CNTN6: variants seen among roughly 807,000 people sequenced by gnomAD.
The protein encoded by CNTN6 is contactin 6.
A neutral mutation model predicts 122.8 loss-of-function variants in CNTN6; 137 were observed. That is an observed-to-expected ratio of 1.12 (90% CI 0.97 to 1.29). CNTN6 has a LOEUF of 1.29. Ranked by LOEUF, CNTN6 falls within the 50% of genes most tolerant of loss-of-function variation. The pLI is 0.00. For missense variants in CNTN6, 1,634 were observed against 1,223.4 expected (o/e 1.34, Z -5.01); for synonymous variants, 570 against 426.0 (o/e 1.34, Z -4.16).
At position 1,237,008 on chromosome 3, in the gene CNTN6, G is replaced by A. The variant is rs1575357561; in HGVS notation, c.358+9015G>A. On this transcript the variant is annotated intron_variant, in intron 4 of 22. Transcript: ENST00000446702. The stretch of plus-strand genomic sequence containing the variant: ...AGGTAGGAGAATGGCGTGAACCTGG[G>A]AGGCAGAGCTTGCAGTGAGCTGTGA... 1.3e-5 allele frequency among the ~76,000 whole-genome samples: 2 copies of A among 152,060 alleles called. 1 individual carries two copies. The highest frequency in any genetic ancestry group is 4.8e-5 in the African/African-American group (2 of 41,476).
At chr3:1,329,390 T>A (rs1701983428) in intron 10 of CNTN6, among the ~76,000 whole-genome samples, 1 of 151,720 alleles carries the variant, frequency 6.6e-6, no homozygotes, top group Admixed American at 6.6e-5. Context: ...CTCTTTGTTG[T>A]AAATGCTATT....
At chr3:1,389,788 C>T (rs911404094) in intron 20 of CNTN6, among the ~76,000 whole-genome samples, 2 of 150,272 alleles carry the variant, frequency 1.3e-5, no homozygotes, top group African/African-American at 4.9e-5. Context: ...GACTTTAAAC[C>T]AACAAAGATC....
intron 1 of CNTN6, among the ~76,000 whole-genome samples, chr3:1,096,912 C>T (rs917962520): frequency 2.0e-5 from 3 of 152,144 alleles, no homozygotes; most frequent in Non-Finnish European, 4.4e-5. Context: ...CGACCACTGC[C>T]ACCTTTTATA....
intron 20 of CNTN6, among the ~76,000 whole-genome samples, chr3:1,397,555 C>A (rs1232553435): frequency 1.3e-5 from 2 of 152,020 alleles, no homozygotes; most frequent in African/African-American, 2.4e-5. Context: ...GTGATCCACA[C>A]AGACATTACT....
chr3:1,390,195 A>C (rs1472636229), intron 20 of CNTN6, among the ~76,000 whole-genome samples: 1 of 152,018 alleles, frequency 6.6e-6, no homozygotes, highest in African/African-American at 2.4e-5. Context: ...AAGGACAGAG[A>C]TTATAACAAA....
chr3:1,115,486 A>G (rs894285708), intron 1 of CNTN6, among the ~76,000 whole-genome samples: 16 of 152,206 alleles, frequency 1.1e-4, no homozygotes, highest in Non-Finnish European at 2.1e-4. Context: ...ACGGTGGCTC[A>G]TGCCTGTAAT....
chr3:1,282,759 C>A (rs1413024521), intron 5 of CNTN6, among the ~76,000 whole-genome samples: 1 of 152,190 alleles, frequency 6.6e-6, no homozygotes, highest in East Asian at 1.9e-4. Context: ...CTTCCCACAT[C>A]TTTCCAACAA....
chr3:1,225,716 CT>C (rs1220606288), intron 3 of CNTN6, among the ~76,000 whole-genome samples: 16 of 139,974 alleles, frequency 1.1e-4, no homozygotes, highest in Non-Finnish European at 1.6e-4. Context: ...TTTTTTTTCA[CT>C]TTTTTCTTAC....
chr3:1,116,260 G>A (rs1470042017), intron 1 of CNTN6, among the ~76,000 whole-genome samples: 1 of 152,132 alleles, frequency 6.6e-6, no homozygotes, highest in African/African-American at 2.4e-5. Flanking sequence ...GTGTATTGTA[G>A]TAGTGTAGGA....
intron 1 of CNTN6, among the ~76,000 whole-genome samples, chr3:1,097,869 A>G (rs1247921644): frequency 2.0e-5 from 3 of 152,340 alleles, no homozygotes; most frequent in Admixed American, 6.5e-5. Context: ...ATATAAAACA[A>G]TGAAAAGACT....
intron 4 of CNTN6, among the ~76,000 whole-genome samples, chr3:1,255,818 A>G (rs1575443059): frequency 6.6e-6 from 1 of 152,026 alleles, no homozygotes; most frequent in Admixed American, 6.6e-5. Flanking sequence ...TGGGTCCACA[A>G]GCTTGCACCA....
chr3:1,138,117 G>A lies in CNTN6; in HGVS notation c.-82-9810G>A, dbSNP rs529593081. 5.3e-5 allele frequency among the ~76,000 whole-genome samples: 8 copies of A among 152,284 alleles called. No individual in the cohort carries two copies. The South Asian group carries it at 1.4e-3, about 28-fold the overall frequency. ...TTCATCATCCTTGCACTGCTCCCCA[G>A]GAGAGTATTTCAATTTGTCAAAGTT... On this transcript the variant is annotated intron_variant, in intron 1 of 22. Transcript: ENST00000446702.
rs547255066 is a variant in CNTN6 at position 1,255,100 on chromosome 3, G to A, written c.359-23313G>A. On this transcript the variant is annotated intron_variant, in intron 4 of 22. Transcript: ENST00000446702. ...CTCCAGGCTTTTACCATGGTAGCTG[G>A]GTGGGGATCCAAGAGCAAGGGGATA... 4.6e-5 allele frequency among the ~76,000 whole-genome samples: 7 copies of A among 152,180 alleles called. No homozygotes were observed. In the East Asian group the frequency reaches 1.2e-3, roughly 25 times the overall value.
At chr3:1,214,271 T>C (rs2094093845) in intron 2 of CNTN6, among the ~76,000 whole-genome samples, 1 of 149,546 alleles carries the variant, frequency 6.7e-6, no homozygotes, top group Admixed American at 6.7e-5. Flanking sequence ...TTTTTAATGT[T>C]CAAATTGTTC....
intron 2 of CNTN6, among the ~76,000 whole-genome samples, chr3:1,220,208 C>T (rs1015761614): frequency 2.0e-5 from 3 of 151,592 alleles, no homozygotes; most frequent in Admixed American, 6.6e-5. Flanking sequence ...TGGTGGCAGG[C>T]ACCTGTAGTT....
chr3:1,372,537 T>A, intron 13 of CNTN6, 63 bp downstream of exon 13: 1 of 1,287,388 alleles, frequency 7.8e-7, no homozygotes, highest in Non-Finnish European at 1.1e-6. Context: ...TGAATCACCA[T>A]TTTTCATAGT....
chr3:1,325,663 C>G (rs1168214738), intron 8 of CNTN6, 152 bp from the exon 9 acceptor site: 1 of 618,972 alleles, frequency 1.6e-6, no homozygotes, highest in East Asian at 3.0e-5. Context: ...CGCATTGAAG[C>G]TCCTGCATGT....
intron 1 of CNTN6, among the ~76,000 whole-genome samples, chr3:1,116,529 A>G (rs2091725266): frequency 1.3e-5 from 2 of 152,156 alleles, no homozygotes; most frequent in Admixed American, 1.3e-4. Flanking sequence ...TCTTCAGTGG[A>G]CAACATTTGT....
At chr3:1,278,749 G>T (rs1420059144) in intron 5 of CNTN6, among the ~76,000 whole-genome samples, 1 of 152,218 alleles carries the variant, frequency 6.6e-6, no homozygotes, top group Non-Finnish European at 1.5e-5. Flanking sequence ...TGTACGTAGT[G>T]TGAGTGCCAG....
Sources: gnomAD v4.1 joint callset for allele counts (sites outside exome capture counted in the v4.1 genomes callset) on GRCh38, gnomAD v4.1.1 for gene constraint, MANE v1.5 for transcripts, NCBI Gene and HGNC (gene_info 2026-07-23, HGNC 2026-07-21) for gene names.